The following NIPBL variants were observed in gnomAD, a reference collection of about 807,000 sequenced individuals.
The protein encoded by NIPBL is NIPBL cohesin loading factor, also known as nipped-B-like protein.
Under a neutral mutation model 321.8 loss-of-function variants are expected in NIPBL, and 19 were observed. That is an observed-to-expected ratio of 0.06 (90% CI 0.04 to 0.09). The LOEUF is 0.09. Among genes scored for constraint, NIPBL ranks in the 10% least tolerant of loss-of-function variants. The pLI, the probability that NIPBL is intolerant of heterozygous loss-of-function variation, is 1.00. For missense variants in NIPBL, 2,210 were observed against 3,327.0 expected, an observed-to-expected ratio of 0.66 and a Z score of 8.26; for synonymous variants, 1,106 against 1,114.1, an observed-to-expected ratio of 0.99 and a Z score of 0.14.
chr5:36,878,317 T>C (rs896127244), intron 1 of NIPBL, among the ~76,000 whole-genome samples: 41 of 152,212 alleles, frequency 2.7e-4, no homozygotes, highest in Admixed American at 2.6e-3. Context: ...AATGTATCTG[T>C]AAATGCTGGA....
chr5:36,883,083 A>T (rs547230015), intron 1 of NIPBL, among the ~76,000 whole-genome samples: 5 of 152,072 alleles, frequency 3.3e-5, no homozygotes, highest in South Asian at 2.1e-4. Flanking sequence ...CTGAAATTTT[A>T]AAAAAATGAT....
chr5:36,935,400 C>T (rs1020170743), intron 1 of NIPBL, among the ~76,000 whole-genome samples: 4 of 152,078 alleles, frequency 2.6e-5, no homozygotes, highest in Non-Finnish European at 4.4e-5. Flanking sequence ...TCTGTCCCAC[C>T]GTTTTCAAAA....
chr5:37,011,749 C>T (rs886540361), intron 21 of NIPBL, among the ~76,000 whole-genome samples: 1 of 151,736 alleles, frequency 6.6e-6, no homozygotes, highest in Middle Eastern at 3.4e-3. Flanking sequence ...TTCATTTTTA[C>T]GTAAAGGACA....
chr5:36,895,345 C>T (rs1406403473), intron 1 of NIPBL, among the ~76,000 whole-genome samples: 1 of 152,082 alleles, frequency 6.6e-6, no homozygotes, highest in Admixed American at 6.6e-5. Context: ...ATGGATATAC[C>T]ACATTTTACT....
intron 1 of NIPBL, among the ~76,000 whole-genome samples, chr5:36,906,170 A>G (rs936362741): frequency 3.9e-5 from 6 of 152,188 alleles, no homozygotes; most frequent in Admixed American, 3.9e-4. Flanking sequence ...ACAACCCGAA[A>G]ATAAAACCCT....
rs146395325 is a variant in NIPBL at position 37,058,905 on chromosome 5, C to T, written c.7425C>T (p.Asp2475=). 6 of 1,613,540 alleles carry T rather than the reference C, an allele frequency of 3.7e-6. No homozygotes were observed. The African/African-American group carries it at 8.0e-5, about 22-fold the overall frequency. ...TTTTCTTTCAGTCTATGGTAAAGGA[C>T]AAAAGGAAAGAGAGAAAATCATCAC... The part of the protein sequence containing the change: ...LQSFKESMVK[D]KRKERKSSPS... The change falls in exon 44 of 47, where the codon GAC becomes GAT. Residue 2475 remains aspartate (D), a synonymous_variant. Coordinates refer to ENST00000282516, the MANE Select transcript of NIPBL (RefSeq NM_133433.4).
intron 6 of NIPBL, among the ~76,000 whole-genome samples, chr5:36,962,510 T>G (rs1257394535): frequency 6.6e-6 from 1 of 152,218 alleles, no homozygotes; most frequent in Non-Finnish European, 1.5e-5. Context: ...TGGATTCAGT[T>G]ATTATATAAC....
At chr5:37,057,452 TGAACTTAATGAAATCTGGG>T in intron 43 of NIPBL, 120 bp downstream of exon 43, 1 of 995,296 alleles carries the variant, frequency 1.0e-6, no homozygotes, top group Non-Finnish European at 1.5e-6. Context: ...TCTTTCTAAG[TGAACTTAATGAAATCTGGG>T]CAATACTTGA....
intron 10 of NIPBL, among the ~76,000 whole-genome samples, chr5:36,986,936 A>T (rs892982774): frequency 6.6e-6 from 1 of 152,190 alleles, no homozygotes; most frequent in Non-Finnish European, 1.5e-5. Flanking sequence ...TGGTTACTTG[A>T]GTAAAATTAT....
intron 32 of NIPBL, among the ~76,000 whole-genome samples, chr5:37,032,722 C>T (rs533835361): frequency 1.3e-5 from 2 of 152,248 alleles, no homozygotes; most frequent in African/African-American, 4.8e-5. Context: ...CTGCAGTGAA[C>T]TATGATTGTG....
Position 36,953,642 on chromosome 5 carries a change from C to T in NIPBL, c.-55C>T. 7.1e-7 allele frequency: 1 copy of T among 1,409,852 alleles called. No individual in the cohort carries two copies. Among genetic ancestry groups the T allele is most frequent in the Non-Finnish European group, 1.0e-6 (1 of 993,600 alleles). The allele number at this position is 1,409,852 out of a possible 1,614,324, so 87.3% of individuals were successfully genotyped here. The stretch of plus-strand genomic sequence containing the variant: ...GTGTTTGGGAAATGGGAAGTAATGA[C>T]AGCTGGCACCTGAACTAAGTACTTT... On this transcript the variant is annotated 5_prime_UTR_variant, in exon 2 of 47. Transcript: ENST00000282516.
In NIPBL at chr5:37,044,409, G is replaced by C; in HGVS notation, c.6171G>C (p.Leu2057=). The change falls in exon 35 of 47, where the codon CTG becomes CTC. Residue 2057 remains leucine (L), a synonymous_variant. Transcript: ENST00000282516. ...AAATCCTAGAGCTAGTTGTACCACTGATGGAGCATCCAAGTGAAACTTTTC... is the reference window on the plus strand; with the variant it reads ...AAATCCTAGAGCTAGTTGTACCACTCATGGAGCATCCAAGTGAAACTTTTC... The part of the protein sequence containing the change: ...VAKILELVVP[L]MEHPSETFLA... 6.2e-7 allele frequency: 1 copy of C among 1,613,836 alleles called. No individual in the cohort carries two copies. Among genetic ancestry groups the C allele is most frequent in the Non-Finnish European group, 8.5e-7 (1 of 1,179,778 alleles).
intron 33 of NIPBL, among the ~76,000 whole-genome samples, chr5:37,037,984 CTTTTT>C (rs34425779): frequency 2.6e-5 from 3 of 116,222 alleles, no homozygotes; most frequent in African/African-American, 3.5e-5. Context: ...TATTCACTTC[CTTTTT>C]TTTTTTTTTT....
intron 1 of NIPBL, among the ~76,000 whole-genome samples, chr5:36,881,697 G>A (rs1408898865): frequency 6.6e-6 from 1 of 151,938 alleles, no homozygotes; most frequent in African/African-American, 2.4e-5. Context: ...GGTGTTAGTT[G>A]ATGTGATACT....
Position 36,971,980 on chromosome 5 carries a change from T to C in NIPBL, c.807T>C (p.Ser269=). The C allele has an allele frequency of 2.5e-6, 4 of 1,611,784 alleles. No homozygotes were observed. The highest frequency in any genetic ancestry group is 3.4e-6 in the Non-Finnish European group (4 of 1,178,798). The change falls in exon 8 of 47, where the codon TCT becomes TCC. Residue 269 remains serine, a synonymous_variant. Coordinates refer to ENST00000282516, the MANE Select transcript of NIPBL (RefSeq NM_133433.4). ...CTTCAACAATGAGGAATGCTGCATC[T>C]TTTCCCTTGAGATCTCCACAGCCAG... ...GDSSTMRNAA[S]FPLRSPQPVC...
At chr5:37,023,600 C>T (rs973312835) in intron 29 of NIPBL, among the ~76,000 whole-genome samples, 2 of 152,088 alleles carry the variant, frequency 1.3e-5, no homozygotes, top group Non-Finnish European at 2.9e-5. Flanking sequence ...CCCAAATTAG[C>T]ACTCTAGTAT....
intron 1 of NIPBL, among the ~76,000 whole-genome samples, chr5:36,952,053 T>TGTGTGTGTGTGTGTGTGTGTGTGTGC (rs778597604): frequency 2.7e-5 from 3 of 112,212 alleles, no homozygotes; most frequent in South Asian, 3.8e-4. Context: ...TGTGTGTGTG[T>TGTGTGTGTGTGTGTGTGTGTGTGTGC]GCGCGCGCGC....
At chr5:37,006,667 A>C in intron 17 of NIPBL, 79 bp downstream of exon 17, 1 of 796,786 alleles carries the variant, frequency 1.3e-6, no homozygotes, top group Non-Finnish European at 2.1e-6. Context: ...AATGGCACCA[A>C]AATTTTTGAA....
intron 38 of NIPBL, among the ~76,000 whole-genome samples, chr5:37,047,326 G>A: frequency 6.6e-6 from 1 of 152,144 alleles, no homozygotes; most frequent in Non-Finnish European, 1.5e-5. Flanking sequence ...ATCTGCATGA[G>A]TAGTTATTTA....
Sources: allele counts gnomAD v4.1 joint callset (sites outside exome capture counted in the v4.1 genomes callset), GRCh38; gene constraint gnomAD v4.1.1; transcripts MANE v1.5; gene names NCBI Gene and HGNC (gene_info 2026-07-23, HGNC 2026-07-21).